LAMA2: variants seen among roughly 807,000 people sequenced by gnomAD.
LAMA2 encodes the protein laminin subunit alpha-2.
LAMA2 carries 269 observed loss-of-function variants against 364.8 expected under a neutral mutation model. The ratio of observed to expected loss-of-function variants is 0.74; its 90% confidence interval spans 0.67 to 0.82. The LOEUF is 0.82. LAMA2 is among the 40% of genes least tolerant of loss of function. LAMA2 has a pLI of 0.00. For synonymous variants in LAMA2, 1,379 were observed against 1,370.6 expected (o/e 1.01, Z -0.14); for missense variants, 3,807 against 3,873.2 (o/e 0.98, Z 0.45).
rs570799478 is a variant in LAMA2, at chr6:129,165,518, T to C, written c.1207-58T>C. The C allele has an allele frequency of 5.0e-5, 58 of 1,151,576 alleles. No individual in the cohort carries two copies. In the Middle Eastern group the frequency reaches 2.9e-3, roughly 58 times the overall value. 71.3% of individuals were successfully genotyped at this position (1,151,576 alleles called of 1,614,324 possible). ...CTTTGTCTATAAAAGTTTGCTGAAG[T>C]GAAAAATATTGCTGTTTCTATTACA... On this transcript the variant is annotated intron_variant, in intron 8 of 64. Transcript: ENST00000421865.
chr6:129,486,625 A>G lies in LAMA2; in HGVS notation c.7898+3A>G. The G allele has an allele frequency of 6.2e-6, 10 of 1,612,530 alleles. No individual in the cohort carries two copies. Among genetic ancestry groups the G allele is most frequent in the Non-Finnish European group, 7.6e-6 (9 of 1,178,596 alleles). On this transcript the variant is annotated splice_donor_region_variant and intron_variant, in intron 56 of 64. Coordinates refer to ENST00000421865, the MANE Select transcript of LAMA2 (RefSeq NM_000426.4). ...GTTCATGTAGAGCGAACTAGAGGGTAACAATAGCACTAAAATATTTATTAT... is the reference window on the plus strand; with the variant it reads ...GTTCATGTAGAGCGAACTAGAGGGTGACAATAGCACTAAAATATTTATTAT...
chr6:129,278,085 C>A (rs867180622), intron 17 of LAMA2, among the ~76,000 whole-genome samples: 4 of 152,156 alleles, frequency 2.6e-5, no homozygotes, highest in Middle Eastern at 3.4e-3. Context: ...GCCTGCAATC[C>A]CAGCTACTCA....
intron 1 of LAMA2, chr6:128,929,343 CTG>C (rs1779299215): frequency 8.9e-7 from 1 of 1,123,370 alleles, no homozygotes; most frequent in East Asian, 2.4e-5. Context: ...GGCCCAAAGA[CTG>C]GGGTGAGACC....
Position 129,173,680 on chromosome 6 carries a change from CAT to C in LAMA2, c.1307-4023_1307-4022del, listed in dbSNP as rs368881005. Reference sequence around the variant, plus strand: ...CAGGCTCGAATTGCAAAATTGGACACATATTTGTAGGTCATTTTTATCTTCAT... The same window carrying C: ...CAGGCTCGAATTGCAAAATTGGACACATTTGTAGGTCATTTTTATCTTCAT... On this transcript the variant is annotated intron_variant, in intron 9 of 64. Transcript: ENST00000421865. Among the ~76,000 whole-genome samples the C allele has an allele frequency of 4.6e-5, 7 of 152,200 alleles. 1 individual carries two copies. Among genetic ancestry groups the C allele is most frequent in the South Asian group, 4.1e-4 (2 of 4,828 alleles).
intron 1 of LAMA2, among the ~76,000 whole-genome samples, chr6:129,029,077 ATAT>A (rs1786037526): frequency 6.6e-6 from 1 of 151,956 alleles, no homozygotes; most frequent in Admixed American, 6.6e-5. Context: ...AATAGACAAA[ATAT>A]TATTAAAAAT....
rs748505273 is a variant in LAMA2, at chr6:129,165,599, A to T, written c.1230A>T (p.Pro410=). The T allele has an allele frequency of 5.0e-6, 8 of 1,612,680 alleles. No homozygotes were observed. The highest frequency in any genetic ancestry group is 6.8e-6 in the Non-Finnish European group (8 of 1,178,932). ...PKGVSPNYPR[P]CQPCHCDPIG... ...AGGTATCTCCAAATTATCCAAGGCC[A>T]TGCCAGCCATGTCATTGCGATCCAA... The change falls in exon 9 of 65, where the codon CCA becomes CCT. Residue 410 remains proline, a synonymous_variant. Coordinates refer to ENST00000421865, the MANE Select transcript of LAMA2 (RefSeq NM_000426.4).
intron 12 of LAMA2, among the ~76,000 whole-genome samples, chr6:129,248,863 C>T (rs1169235758): frequency 6.6e-6 from 1 of 152,152 alleles, no homozygotes; most frequent in Non-Finnish European, 1.5e-5. Flanking sequence ...GTTCACCCCT[C>T]ATTACTCACA....
Position 129,460,186 on chromosome 6 carries a change from A to G in LAMA2, c.6868-14A>G, listed in dbSNP as rs758125501. 17 of 1,611,274 alleles carry G rather than the reference A, an allele frequency of 1.1e-5. No homozygotes were observed. Among genetic ancestry groups the G allele is most frequent in the Non-Finnish European group, 1.4e-5 (17 of 1,177,998 alleles). ...ATTCCAAATTCTAGCAAATAACGGT[A>G]TTTCTTTCTGCAGAAGGCTGATGCT... On this transcript the variant is annotated splice_polypyrimidine_tract_variant and intron_variant, in intron 48 of 64. Coordinates refer to ENST00000421865, the MANE Select transcript of LAMA2 (RefSeq NM_000426.4).
intron 13 of LAMA2, 124 bp from the exon 14 acceptor site, chr6:129,251,959 AT>A (rs1352972308): frequency 1.5e-6 from 1 of 657,412 alleles, no homozygotes; most frequent in African/African-American, 1.8e-5. Context: ...TAAATAAAAA[AT>A]AAACATAAAT....
At chr6:128,991,989 C>T (rs1406430521) in intron 1 of LAMA2, among the ~76,000 whole-genome samples, 1 of 152,202 alleles carries the variant, frequency 6.6e-6, no homozygotes, top group Non-Finnish European at 1.5e-5. Context: ...AGTATTTTCA[C>T]TTACCTTATA....
intron 1 of LAMA2, among the ~76,000 whole-genome samples, chr6:128,972,978 T>C (rs1384612631): frequency 6.6e-6 from 1 of 152,152 alleles, no homozygotes; most frequent in Non-Finnish European, 1.5e-5. Context: ...AGATATACAA[T>C]TTCAACTGAA....
rs2114494623 is a variant in LAMA2, at chr6:129,313,098, G to A, written c.3411+1G>A. On this transcript the variant is annotated splice_donor_variant, in intron 23 of 64. Transcript: ENST00000421865. LOFTEE classifies it high-confidence loss of function. ...TCAAACTGGGCAGTGCACTTGTAAGGTATGTGCTGCTGACATGCAGCTAGG... is the reference window on the plus strand; with the variant it reads ...TCAAACTGGGCAGTGCACTTGTAAGATATGTGCTGCTGACATGCAGCTAGG... The A allele has an allele frequency of 1.3e-6, 2 of 1,573,454 alleles. No individual in the cohort carries two copies. The highest frequency in any genetic ancestry group is 8.7e-7 in the Non-Finnish European group (1 of 1,147,122).
intron 12 of LAMA2, among the ~76,000 whole-genome samples, chr6:129,227,426 G>A (rs556203142): frequency 4.6e-5 from 7 of 152,268 alleles, no homozygotes; most frequent in African/African-American, 1.7e-4. Context: ...AGAGTTTTCA[G>A]CTTCTCTGCT....
chr6:129,189,651 G>C (rs888698905), intron 10 of LAMA2, among the ~76,000 whole-genome samples: 7 of 152,062 alleles, frequency 4.6e-5, no homozygotes, highest in African/African-American at 1.7e-4. Flanking sequence ...TACTTTATCT[G>C]ATCTTTACCC....
intron 4 of LAMA2, among the ~76,000 whole-genome samples, chr6:129,134,655 C>T (rs1050278254): frequency 6.6e-6 from 1 of 152,170 alleles, no homozygotes; most frequent in African/African-American, 2.4e-5. Context: ...CTAGGTCCCT[C>T]ACATGCACAG....
At chr6:129,192,647 A>G in intron 11 of LAMA2, 33 bp from the exon 12 acceptor site, 1 of 1,599,974 alleles carries the variant, frequency 6.3e-7, no homozygotes, top group East Asian at 2.2e-5. Context: ...GATATTTTTT[A>G]AAAATTAATG....
intron 29 of LAMA2, among the ~76,000 whole-genome samples, chr6:129,338,658 A>G (rs1404079689): frequency 6.6e-6 from 1 of 152,188 alleles, no homozygotes; most frequent in Non-Finnish European, 1.5e-5. Flanking sequence ...GCATTCATTC[A>G]TTCAGTCATT....
At chr6:129,066,047 T>TTTTTTTTTTTTTTTTTTTTTTTTC (rs71028144) in intron 3 of LAMA2, among the ~76,000 whole-genome samples, 2 of 81,862 alleles carry the variant, frequency 2.4e-5, no homozygotes, top group African/African-American at 3.9e-5. Flanking sequence ...GGTTTTTTTT[T>TTTTTTTTTTTTTTTTTTTTTTTTC]TTTTTTTTTT....
intron 8 of LAMA2, chr6:129,158,494 T>A: frequency 6.2e-7 from 1 of 1,614,016 alleles, no homozygotes; most frequent in Non-Finnish European, 8.5e-7. Context: ...GACTGGTCAA[T>A]AAGGTCTTTT....
Sources: gnomAD v4.1 joint callset for allele counts (sites outside exome capture counted in the v4.1 genomes callset) on GRCh38, gnomAD v4.1.1 for gene constraint, MANE v1.5 for transcripts, NCBI Gene and HGNC (gene_info 2026-07-23, HGNC 2026-07-21) for gene names.